The following F10 variants were observed in gnomAD, a reference collection of about 807,000 sequenced individuals.
The protein encoded by F10 is Stuart-Prower factor.
A neutral mutation model predicts 37.1 loss-of-function variants in F10; 29 were observed. The observed-to-expected ratio is 0.78, with a 90% CI of 0.58 to 1.07. The LOEUF is 1.07. F10 is among the 50% of genes least tolerant of loss of function. The probability of loss-of-function intolerance (pLI) is 0.00; values close to 1 mark genes in which losing one functional copy is unlikely to be tolerated. For synonymous variants in F10, 262 were observed against 268.6 expected (o/e 0.98, Z 0.24); for missense variants, 539 against 667.9 (o/e 0.81, Z 2.13).
chr13:113,141,275 T>C lies in F10; in HGVS notation c.502+225T>C, dbSNP rs945473399. On this transcript the variant is annotated intron_variant, in intron 5 of 7. Coordinates refer to ENST00000375559, the MANE Select transcript of F10 (RefSeq NM_000504.4). The surrounding 1 kb of genome is among the most constrained non-coding windows in gnomAD (Gnocchi z 5.4). ...CATTATTTCTGTAAGCCAGATCTGCTGTTTAACCTCAGCTTCCCCATCTGA... is the reference window on the plus strand; with the variant it reads ...CATTATTTCTGTAAGCCAGATCTGCCGTTTAACCTCAGCTTCCCCATCTGA... Among the ~76,000 whole-genome samples the C allele has an allele frequency of 2.0e-5, 3 of 152,246 alleles. No homozygotes were observed. The highest frequency in any genetic ancestry group is 7.2e-5 in the African/African-American group (3 of 41,468).
chr13:113,134,828 A>T (rs180992363), intron 2 of F10, among the ~76,000 whole-genome samples: 2 of 152,370 alleles, frequency 1.3e-5, no homozygotes, highest in Admixed American at 1.3e-4. Flanking sequence ...TAAAGCTAAT[A>T]AAACATATAC....
At chr13:113,126,843 A>T (rs1006536001) in intron 1 of F10, among the ~76,000 whole-genome samples, 2 of 152,196 alleles carry the variant, frequency 1.3e-5, no homozygotes, top group Non-Finnish European at 2.9e-5. Flanking sequence ...AGAGGCCCCA[A>T]GGGAGATGGG....
chr13:113,141,092 C>T lies in F10; in HGVS notation c.502+42C>T. On this transcript the variant is annotated intron_variant, in intron 5 of 7. Coordinates refer to ENST00000375559, the MANE Select transcript of F10 (RefSeq NM_000504.4). The surrounding 1 kb of genome is among the most constrained non-coding windows in gnomAD (Gnocchi z 5.4). ...GCCACAGCCACCCGCTGCCGCTGGG[C>T]CGGGCCAGGGAGGACAAGCCCGTGC... 1 of 1,610,324 alleles carries T rather than the reference C, an allele frequency of 6.2e-7. No individual in the cohort carries two copies. Among genetic ancestry groups the T allele is most frequent in the Non-Finnish European group, 8.5e-7 (1 of 1,179,620 alleles).
chr13:113,129,321 G>T, intron 1 of F10, 131 bp from the exon 2 acceptor site: 2 of 1,157,040 alleles, frequency 1.7e-6, no homozygotes, highest in East Asian at 2.4e-5. Flanking sequence ...TTTTATTTTT[G>T]GTTTACAAGA....
intron 1 of F10, chr13:113,128,969 A>G (rs2036398005): frequency 5.4e-6 from 1 of 184,334 alleles, no homozygotes; most frequent in Non-Finnish European, 1.1e-5. Flanking sequence ...TCTCTACAGA[A>G]TGTGGATTTC....
Position 113,146,193 on chromosome 13 carries a change from G to C in F10, c.748-1186G>C, listed in dbSNP as rs1222139864. The stretch of plus-strand genomic sequence containing the variant: ...CTTCTGTGTGTCAGGCACTGAGCCG[G>C]GTGCTGTGTAGGTGGGATATGAAAC... On this transcript the variant is annotated intron_variant, in intron 6 of 7. Transcript: ENST00000375559. The surrounding 1 kb of genome is among the most constrained non-coding windows in gnomAD (Gnocchi z 4.5). Among the ~76,000 whole-genome samples, 1 of 152,174 alleles carries C rather than the reference G, an allele frequency of 6.6e-6. No homozygotes were observed. The highest frequency in any genetic ancestry group is 1.5e-5 in the Non-Finnish European group (1 of 68,036).
At chr13:113,148,375 T>TAC (rs1202633190) in intron 7 of F10, among the ~76,000 whole-genome samples, 132 of 65,388 alleles carry the variant, frequency 2.0e-3, no homozygotes, top group African/African-American at 6.0e-3. Flanking sequence ...TATATATATA[T>TAC]GTGTATATAT....
intron 2 of F10, chr13:113,130,081 A>C: frequency 3.4e-6 from 1 of 292,122 alleles, no homozygotes; most frequent in Non-Finnish European, 6.6e-6. Flanking sequence ...CAGGCCACGA[A>C]CCCAGTACTG....
intron 1 of F10, among the ~76,000 whole-genome samples, chr13:113,127,235 G>A (rs577228958): frequency 1.3e-5 from 2 of 152,270 alleles, no homozygotes; most frequent in South Asian, 2.1e-4. Flanking sequence ...TGTTTTTGAA[G>A]CTCAAGATTG....
chr13:113,132,129 CTTAA>C (rs1290115733), intron 2 of F10: 2 of 152,220 alleles, frequency 1.3e-5, no homozygotes, highest in East Asian at 1.9e-4. Flanking sequence ...TACTCTAATT[CTTAA>C]TTAAATTAAG....
At chr13:113,138,822 GATTTAATGCTTA>G (rs1339007242) in intron 3 of F10, among the ~76,000 whole-genome samples, 8 of 152,218 alleles carry the variant, frequency 5.3e-5, no homozygotes, top group African/African-American at 1.7e-4. Context: ...TAACCACCTT[GATTTAATGCTTA>G]ATAGCATCTG....
In F10 at chr13:113,146,761, A is replaced by G. The variant is rs1406194866; in HGVS notation, c.748-618A>G. Among the ~76,000 whole-genome samples, 1 of 152,120 alleles carries G rather than the reference A, an allele frequency of 6.6e-6. No homozygotes were observed. Among genetic ancestry groups the G allele is most frequent in the African/African-American group, 2.4e-5 (1 of 41,410 alleles). ...TCACAGGACGGGAAACTCCCCAGAGAAAAGAAAACCAAAATATGCCCGGGC... is the reference window on the plus strand; with the variant it reads ...TCACAGGACGGGAAACTCCCCAGAGGAAAGAAAACCAAAATATGCCCGGGC... On this transcript the variant is annotated intron_variant, in intron 6 of 7. Coordinates refer to ENST00000375559, the MANE Select transcript of F10 (RefSeq NM_000504.4). The surrounding 1 kb of genome is among the most constrained non-coding windows in gnomAD (Gnocchi z 4.5).
At chr13:113,130,393 C>T (rs1231643758) in intron 2 of F10, 1 of 153,248 alleles carries the variant, frequency 6.5e-6, no homozygotes. Flanking sequence ...GTCTCGACTT[C>T]CTCACCCCAG....
Position 113,139,366 on chromosome 13 carries a change from A to G in F10, c.266A>G (p.Gln89Arg). The change falls in exon 4 of 8, where the codon CAG becomes CGG. Residue 89 changes from glutamine (Q) to arginine (R), a missense_variant. Transcript: ENST00000375559. This position sits in a 1 kb window ranked among gnomAD's most constrained non-coding sequence, Gnocchi z 5.2. ...EFWNKYKDGDQCETSPCQNQG... is the reference protein window; with the variant it reads ...EFWNKYKDGDRCETSPCQNQG... ...AATCCTCTCTTTGCAGATGGCGACCAGTGTGAGACCAGTCCTTGCCAGAAC... is the reference window on the plus strand; with the variant it reads ...AATCCTCTCTTTGCAGATGGCGACCGGTGTGAGACCAGTCCTTGCCAGAAC... 6.2e-7 allele frequency: 1 copy of G among 1,613,870 alleles called. No homozygotes were observed. The highest frequency in any genetic ancestry group is 1.1e-5 in the South Asian group (1 of 91,070).
Position 113,149,173 on chromosome 13 carries a change from A to C in F10, c.1123A>C (p.Thr375Pro). ...GRTHEKGRQS[T>P]RLKMLEVPYV... ...CACCCACGAGAAGGGCCGGCAGTCCACCAGGCTCAAGATGCTGGAGGTGCC... is the reference window on the plus strand; with the variant it reads ...CACCCACGAGAAGGGCCGGCAGTCCCCCAGGCTCAAGATGCTGGAGGTGCC... Residue 375 changes from threonine (T) to proline (P), a missense_variant, in exon 8 of 8, where the codon ACC becomes CCC. Thr to Pro is a conservative substitution (Grantham distance 38). Transcript: ENST00000375559. The surrounding 1 kb of genome is among the most constrained non-coding windows in gnomAD (Gnocchi z 7.5). 2 of 1,612,930 alleles carry C rather than the reference A, an allele frequency of 1.2e-6. No individual in the cohort carries two copies. The highest frequency in any genetic ancestry group is 1.7e-6 in the Non-Finnish European group (2 of 1,179,992).
intron 2 of F10, chr13:113,130,033 C>T (rs2142253428): frequency 9.3e-6 from 3 of 323,650 alleles, no homozygotes; most frequent in Non-Finnish European, 1.2e-5. Context: ...CTGAGAGCCA[C>T]AGCCTAGAGC....
chr13:113,144,150 C>A lies in F10; in HGVS notation c.747+55C>A. 6.2e-6 allele frequency: 10 copies of A among 1,610,092 alleles called. No individual in the cohort carries two copies. The highest frequency in any genetic ancestry group is 8.5e-6 in the Non-Finnish European group (10 of 1,179,430). ...TGGAGAGACCACCTGTCCCGCTGTG[C>A]ACCTCGGGGAGGCCAGCCTGACACT... On this transcript the variant is annotated intron_variant, in intron 6 of 7. Coordinates refer to ENST00000375559, the MANE Select transcript of F10 (RefSeq NM_000504.4). This position sits in a 1 kb window ranked among gnomAD's most constrained non-coding sequence, Gnocchi z 6.4.
At chr13:113,142,689 G>A (rs995028454) in intron 5 of F10, among the ~76,000 whole-genome samples, 7 of 148,342 alleles carry the variant, frequency 4.7e-5, no homozygotes, top group Admixed American at 3.4e-4. Context: ...ACTTTGGGAA[G>A]CCAAGGTGGG....
At position 113,149,033 on chromosome 13, in the gene F10, TCAAGACCCC is replaced by T; in HGVS notation, c.986_994del (p.Lys329_Pro331del). 6.2e-7 allele frequency: 1 copy of T among 1,613,332 alleles called. No individual in the cohort carries two copies. The highest frequency in any genetic ancestry group is 1.1e-5 in the South Asian group (1 of 91,056). ...GACTTCGACATCGCCGTGCTCCGGC[TCAAGACCCC>T]CATCACCTTCCGCATGAACGTGGCG... On this transcript the variant is annotated inframe_deletion, in exon 8 of 8. Transcript: ENST00000375559. This position sits in a 1 kb window ranked among gnomAD's most constrained non-coding sequence, Gnocchi z 7.5.
Sources: gnomAD v4.1 joint callset for allele counts (sites outside exome capture counted in the v4.1 genomes callset) on GRCh38, gnomAD v4.1.1 for gene constraint, Gnocchi (gnomAD v3.1) non-coding constraint, MANE v1.5 for transcripts, NCBI Gene and HGNC (gene_info 2026-07-23, HGNC 2026-07-21) for gene names.